METTL2A: variants seen among roughly 807,000 people sequenced by gnomAD.
The protein encoded by METTL2A is methyltransferase 2A, tRNA N3-cytidine.
A neutral mutation model predicts 49.4 loss-of-function variants in METTL2A; 45 were observed. The observed-to-expected ratio is 0.91, with a 90% CI of 0.72 to 1.17. The LOEUF is 1.17. Ranked by LOEUF, METTL2A falls within the 50% of genes most tolerant of loss-of-function variation. The probability of loss-of-function intolerance (pLI) is 0.00; values close to 1 mark genes in which losing one functional copy is unlikely to be tolerated. For synonymous variants in METTL2A, 118 were observed against 167.5 expected (o/e 0.70, Z 2.28); for missense variants, 361 against 462.2 (o/e 0.78, Z 2.01).
At chr17:62,435,481 G>A (rs28439927) in intron 5 of METTL2A, among the ~76,000 whole-genome samples, 189 bp downstream of exon 5, 5,132 of 152,186 alleles carry the variant, frequency 0.034, 299 homozygotes, top group African/African-American at 0.12. Flanking sequence ...TATAGATGTC[G>A]TATCTGTTCA....
chr17:62,448,073 C>A (rs923163109), intron 8 of METTL2A, among the ~76,000 whole-genome samples: 5 of 152,178 alleles, frequency 3.3e-5, no homozygotes, highest in African/African-American at 1.2e-4. Flanking sequence ...GCCTGTTTCA[C>A]CCTCTACACG....
chr17:62,433,327 A>G (rs1466502136), intron 4 of METTL2A, among the ~76,000 whole-genome samples: 1 of 151,994 alleles, frequency 6.6e-6, no homozygotes, highest in Non-Finnish European at 1.5e-5. Context: ...CCAGCTACTC[A>G]GGAAGCTAAG....
At chr17:62,448,495 C>T in intron 8 of METTL2A, 80 bp from the exon 9 acceptor site, 1 of 1,543,742 alleles carries the variant, frequency 6.5e-7, no homozygotes, top group Admixed American at 2.0e-5. Flanking sequence ...CCCAGAGCCC[C>T]TTTTAACAAG....
chr17:62,449,344 C>CA lies in METTL2A; in HGVS notation c.*624dup, dbSNP rs376642296. The CA allele has an allele frequency of 0.01, 4,324 of 419,060 alleles. 147 individuals are homozygous for CA. Among genetic ancestry groups the CA allele is most frequent in the African/African-American group, 0.078 (3,692 of 47,422 alleles). The allele number at this position is 419,060 out of a possible 1,614,324, so 26.0% of individuals were successfully genotyped here. A position where few individuals can be genotyped will look rare whatever the true frequency, so the allele number is the denominator to read the frequency against. On this transcript the variant is annotated 3_prime_UTR_variant, in exon 9 of 9. Coordinates refer to ENST00000311506, the MANE Select transcript of METTL2A (RefSeq NM_181725.4). The stretch of plus-strand genomic sequence containing the variant: ...AGAATCAGATCAGATATTTTCCTGA[C>CA]AAAAAAAAATGACCCTACAGAGAGC...
In METTL2A at chr17:62,451,781, T is replaced by A. The variant is rs144112457; in HGVS notation, c.*3052T>A. On this transcript the variant is annotated 3_prime_UTR_variant, in exon 9 of 9. Transcript: ENST00000311506. Reference sequence around the variant, plus strand: ...GGCGCATGCCTGTAACCCCATCCACTTGGAAGGCTGAGGCAGGAGAATCAC... The same window carrying A: ...GGCGCATGCCTGTAACCCCATCCACATGGAAGGCTGAGGCAGGAGAATCAC... Among the ~76,000 whole-genome samples, 2,503 of 151,822 alleles carry A rather than the reference T, an allele frequency of 0.016. 81 individuals are homozygous for A. The highest frequency in any genetic ancestry group is 0.057 in the African/African-American group (2,374 of 41,404).
chr17:62,453,336 A>G lies in METTL2A; in HGVS notation c.*4607A>G, dbSNP rs1057546. On this transcript the variant is annotated 3_prime_UTR_variant, in exon 9 of 9. Coordinates refer to ENST00000311506, the MANE Select transcript of METTL2A (RefSeq NM_181725.4). ...ACTGTTACATTTGTTGGGAGGGATT[A>G]AAGTATATGACCTCAGTGCCACTTA... 0.69 allele frequency among the ~76,000 whole-genome samples: 104,644 copies of G among 152,078 alleles called. 43,034 individuals carry two copies. Among genetic ancestry groups the G allele is most frequent in the Non-Finnish European group, 0.92 (62,719 of 68,012 alleles).
In METTL2A at chr17:62,444,851, T is replaced by C; in HGVS notation, c.824T>C (p.Ile275Thr). 3 of 1,613,894 alleles carry C rather than the reference T, an allele frequency of 1.9e-6. No individual in the cohort carries two copies. The highest frequency in any genetic ancestry group is 1.7e-6 in the Non-Finnish European group (2 of 1,179,882). ...CTGCTCCACAGGATGCAGAAGGCTATCAACAGGCTGAGCAGGCTTCTGAAA... is the reference window on the plus strand; with the variant it reads ...CTGCTCCACAGGATGCAGAAGGCTACCAACAGGCTGAGCAGGCTTCTGAAA... ...AIVPDKMQKA[I>T]NRLSRLLKPG... The change falls in exon 7 of 9, where the codon ATC becomes ACC. Residue 275 changes from isoleucine to threonine, a missense_variant. Around this residue, in one of 3 missense-constraint regions of METTL2A, gnomAD observed 183 missense variants for 216.5 expected, o/e 0.85. Coordinates refer to ENST00000311506, the MANE Select transcript of METTL2A (RefSeq NM_181725.4).
chr17:62,423,986 G>T lies in METTL2A; in HGVS notation c.84G>T (p.Pro28=). 6.2e-7 allele frequency: 1 copy of T among 1,613,946 alleles called. No homozygotes were observed. The highest frequency in any genetic ancestry group is 8.5e-7 in the Non-Finnish European group (1 of 1,179,992). The change falls in exon 1 of 9, where the codon CCG becomes CCT. Residue 28 remains proline, a synonymous_variant. Coordinates refer to ENST00000311506, the MANE Select transcript of METTL2A (RefSeq NM_181725.4). Reference sequence around the variant, plus strand: ...TCGGAAGCCGGTTCCTGAGAGATCCGGCGCGCGTCTTCCACCACAATGCCT... The same window carrying T: ...TCGGAAGCCGGTTCCTGAGAGATCCTGCGCGCGTCTTCCACCACAATGCCT... ...QQFGSRFLRD[P]ARVFHHNAWD...
chr17:62,434,528 A>T (rs1436799013), intron 4 of METTL2A, among the ~76,000 whole-genome samples: 1 of 152,206 alleles, frequency 6.6e-6, no homozygotes, highest in African/African-American at 2.4e-5. Context: ...TTAGACCTGT[A>T]CTAACAGAAT....
At chr17:62,429,998 A>G (rs75878214) in intron 4 of METTL2A, among the ~76,000 whole-genome samples, 51 of 152,318 alleles carry the variant, frequency 3.3e-4, no homozygotes, top group African/African-American at 1.2e-3. Context: ...CCCCTTGTGG[A>G]AATGACATTC....
At chr17:62,447,982 T>C (rs1181497476) in intron 8 of METTL2A, among the ~76,000 whole-genome samples, 1 of 152,208 alleles carries the variant, frequency 6.6e-6, no homozygotes, top group Non-Finnish European at 1.5e-5. Context: ...TGTCCATGCC[T>C]TCAGTCCTGC....
In METTL2A at chr17:62,451,121, G is replaced by C. The variant is rs2070803146; in HGVS notation, c.*2392G>C. Among the ~76,000 whole-genome samples the C allele has an allele frequency of 6.7e-6, 1 of 149,930 alleles. No homozygotes were observed. Among genetic ancestry groups the C allele is most frequent in the Non-Finnish European group, 1.5e-5 (1 of 67,780 alleles). On this transcript the variant is annotated 3_prime_UTR_variant, in exon 9 of 9. Transcript: ENST00000311506. The stretch of plus-strand genomic sequence containing the variant: ...CAAGGCAGGAGTTCAAGACCAGGCT[G>C]GGTAATGTAGCAAGACCCTGACTTT...
intron 4 of METTL2A, among the ~76,000 whole-genome samples, chr17:62,428,934 C>T (rs1434641121): frequency 5.3e-5 from 8 of 152,154 alleles, no homozygotes; most frequent in Non-Finnish European, 1.2e-4. Context: ...CAGACACATG[C>T]CACCATACCC....
intron 5 of METTL2A, among the ~76,000 whole-genome samples, chr17:62,440,345 A>G (rs2070730579): frequency 6.6e-6 from 1 of 152,106 alleles, no homozygotes; most frequent in African/African-American, 2.4e-5. Flanking sequence ...AATAGCAAAA[A>G]CCGCAATTAC....
At chr17:62,437,971 C>CAAAAAAA (rs111441483) in intron 5 of METTL2A, among the ~76,000 whole-genome samples, 1 of 133,968 alleles carries the variant, frequency 7.5e-6, no homozygotes, top group African/African-American at 2.8e-5. Context: ...GACTCCATCT[C>CAAAAAAA]AAAAAAAAAA....
intron 4 of METTL2A, among the ~76,000 whole-genome samples, chr17:62,430,034 C>T (rs373154421): frequency 5.3e-5 from 8 of 152,176 alleles, no homozygotes; most frequent in African/African-American, 1.4e-4. Flanking sequence ...TACTGGAATC[C>T]ACTGTTTCTC....
At chr17:62,431,269 G>C (rs1259437424) in intron 4 of METTL2A, among the ~76,000 whole-genome samples, 1 of 152,116 alleles carries the variant, frequency 6.6e-6, no homozygotes, top group Non-Finnish European at 1.5e-5. Context: ...CCAAAGTGCT[G>C]GGATTACAGG....
chr17:62,442,528 C>T (rs2070744402), intron 6 of METTL2A, among the ~76,000 whole-genome samples: 1 of 152,160 alleles, frequency 6.6e-6, no homozygotes, highest in African/African-American at 2.4e-5. Context: ...ATCCACCCAC[C>T]TCGGCATCCC....
chr17:62,448,047 G>C (rs964683444), intron 8 of METTL2A, among the ~76,000 whole-genome samples: 24 of 152,180 alleles, frequency 1.6e-4, no homozygotes, highest in Admixed American at 1.4e-3. Context: ...ACTCTGCAAG[G>C]CTCATCTCCA....
Sources: allele counts gnomAD v4.1 joint callset (sites outside exome capture counted in the v4.1 genomes callset), GRCh38; gene constraint gnomAD v4.1.1; regional missense constraint gnomAD v4.1.1; transcripts MANE v1.5; gene names NCBI Gene and HGNC (gene_info 2026-07-23, HGNC 2026-07-21).